DZIP1L: variants seen among roughly 807,000 people sequenced by gnomAD.
DZIP1L encodes DAZ interacting zinc finger protein 1 like.
DZIP1L carries 90 observed loss-of-function variants against 88.7 expected under a neutral mutation model. The ratio of observed to expected loss-of-function variants is 1.02; its 90% CI spans 0.86 to 1.21. The LOEUF (loss-of-function observed/expected upper bound fraction) is 1.21. Among genes scored for constraint, DZIP1L ranks in the 50% most tolerant of loss-of-function variants. DZIP1L has a pLI of 0.00. For synonymous variants in DZIP1L, 363 were observed against 372.1 expected, an observed-to-expected ratio of 0.98 and a Z score of 0.28; for missense variants, 932 against 955.8, an observed-to-expected ratio of 0.98 and a Z score of 0.33.
intron 5 of DZIP1L, among the ~76,000 whole-genome samples, chr3:138,090,216 T>A (rs1429099078): frequency 1.3e-5 from 2 of 152,094 alleles, no homozygotes; most frequent in African/African-American, 4.8e-5. Flanking sequence ...TAGGAGAACA[T>A]GATCCAAGTT....
chr3:138,064,820 T>A, intron 14 of DZIP1L, 53 bp from the exon 15 acceptor site: 4 of 1,530,362 alleles, frequency 2.6e-6, no homozygotes, highest in Non-Finnish European at 3.5e-6. Flanking sequence ...AAAATGAACA[T>A]CTCAGTTTTG....
chr3:138,065,907 G>A (rs892377087), intron 14 of DZIP1L, among the ~76,000 whole-genome samples: 2 of 152,198 alleles, frequency 1.3e-5, no homozygotes, highest in African/African-American at 4.8e-5. Flanking sequence ...TGAAAAGAAG[G>A]AGGCTCAACT....
intron 1 of DZIP1L, among the ~76,000 whole-genome samples, chr3:138,105,468 T>C (rs1576504169): frequency 6.6e-6 from 1 of 152,124 alleles, no homozygotes; most frequent in Admixed American, 6.6e-5. Flanking sequence ...AAATTGCTTA[T>C]ACAAAATGGT....
chr3:138,114,897 T>C (rs985297462), intron 1 of DZIP1L, among the ~76,000 whole-genome samples: 1 of 152,206 alleles, frequency 6.6e-6, no homozygotes, highest in Non-Finnish European at 1.5e-5. Flanking sequence ...GCCAATGCGA[T>C]TGCTTTTAAA....
intron 12 of DZIP1L, 142 bp downstream of exon 12, chr3:138,071,501 T>C: frequency 1.1e-6 from 1 of 940,094 alleles, no homozygotes; most frequent in South Asian, 2.1e-5. Context: ...CAGTCCCCTG[T>C]AAGGACCCTA....
At chr3:138,066,397 T>C (rs1177459441) in intron 14 of DZIP1L, among the ~76,000 whole-genome samples, 1 of 152,078 alleles carries the variant, frequency 6.6e-6, no homozygotes, top group Admixed American at 6.5e-5. Flanking sequence ...ATTCTTAACA[T>C]TGGGAACACA....
chr3:138,105,493 T>C (rs2042455649), intron 1 of DZIP1L, among the ~76,000 whole-genome samples: 1 of 152,110 alleles, frequency 6.6e-6, no homozygotes, highest in Admixed American at 6.6e-5. Flanking sequence ...TATTTGCATA[T>C]AACCTATACA....
chr3:138,097,828 G>A lies in DZIP1L; in HGVS notation c.521C>T (p.Thr174Ile). ...SYHTCHLCDK[T>I]FMNATFLRGH... ...CCGGAGAAAGGTGGCATTCATGAAT[G>A]TCTTGTCACACAGGTGGCACTATAC... The change falls in exon 3 of 16, where the codon ACA becomes ATA. Residue 174 changes from threonine (T) to isoleucine (I), a missense_variant. Coordinates refer to ENST00000327532, the MANE Select transcript of DZIP1L (RefSeq NM_173543.3). 6.2e-7 allele frequency: 1 copy of A among 1,612,892 alleles called. No individual in the cohort carries two copies.
chr3:138,107,432 C>G (rs1295085903), intron 1 of DZIP1L, among the ~76,000 whole-genome samples: 1 of 152,158 alleles, frequency 6.6e-6, no homozygotes, highest in East Asian at 1.9e-4. Flanking sequence ...TATTGGACTT[C>G]AAGCTTGATA....
At chr3:138,115,172 G>C (rs1312892466) in intron 1 of DZIP1L, among the ~76,000 whole-genome samples, 156 bp downstream of exon 1, 3 of 152,094 alleles carry the variant, frequency 2.0e-5, no homozygotes, top group Non-Finnish European at 2.9e-5. Flanking sequence ...GCACGCAGCC[G>C]GCTCCTCCCG....
chr3:138,108,284 G>A (rs967292348), intron 1 of DZIP1L: 21 of 966,542 alleles, frequency 2.2e-5, no homozygotes, highest in Middle Eastern at 5.3e-4. Context: ...CAGGTTACCA[G>A]GCATGCTGTG....
Position 138,088,371 on chromosome 3 carries a change from C to T in DZIP1L, c.999+8G>A, listed in dbSNP as rs759914258. On this transcript the variant is annotated splice_region_variant and intron_variant, in intron 6 of 15. Transcript: ENST00000327532. ...CTCTGGGAAGAAAGGCATGGAGCAT[C>T]AGCTCACCTGAATTTCTGTCTTCTC... 1.9e-6 allele frequency: 3 copies of T among 1,608,598 alleles called. No homozygotes were observed. Among genetic ancestry groups the T allele is most frequent in the Non-Finnish European group, 2.5e-6 (3 of 1,177,614 alleles).
chr3:138,084,236 C>G lies in DZIP1L; in HGVS notation c.1080G>C (p.Gln360His). ...CCTGAGACAGGGAGGCCTGGAGCCTCTGGTTCTCCTCCTGTAGCTGGCAGG... is the reference window on the plus strand; with the variant it reads ...CCTGAGACAGGGAGGCCTGGAGCCTGTGGTTCTCCTCCTGTAGCTGGCAGG... ...AEKKELQEENQRLQASLSQDQ... is the reference protein window; with the variant it reads ...AEKKELQEENHRLQASLSQDQ... The change falls in exon 8 of 16, where the codon CAG (glutamine) becomes CAC (histidine). Residue 360 changes from glutamine (Q) to histidine (H), a missense_variant. Physicochemically the swap from Gln to His is conservative, Grantham distance 24 (BLOSUM62 0). Coordinates refer to ENST00000327532, the MANE Select transcript of DZIP1L (RefSeq NM_173543.3). The G allele has an allele frequency of 6.2e-7, 1 of 1,614,026 alleles. No individual in the cohort carries two copies. Among genetic ancestry groups the G allele is most frequent in the Middle Eastern group, 1.7e-4 (1 of 6,048 alleles).
At chr3:138,098,173 G>A (rs1402147060) in intron 2 of DZIP1L, among the ~76,000 whole-genome samples, 1 of 152,156 alleles carries the variant, frequency 6.6e-6, no homozygotes, top group African/African-American at 2.4e-5. Flanking sequence ...TACAAATAGA[G>A]ACATTGAAAT....
At chr3:138,106,610 G>C (rs1407040698) in intron 1 of DZIP1L, among the ~76,000 whole-genome samples, 1 of 151,334 alleles carries the variant, frequency 6.6e-6, no homozygotes, top group African/African-American at 2.4e-5. Flanking sequence ...AAGGTGGGTG[G>C]ATCACGAGGT....
chr3:138,089,737 A>C (rs1406141880), intron 5 of DZIP1L, among the ~76,000 whole-genome samples: 2 of 152,218 alleles, frequency 1.3e-5, no homozygotes, highest in East Asian at 3.8e-4. Flanking sequence ...TTTGGTATCC[A>C]GTTTGATTCC....
At chr3:138,088,608 A>G in intron 5 of DZIP1L, 101 bp from the exon 6 acceptor site, 2 of 1,440,252 alleles carry the variant, frequency 1.4e-6, no homozygotes, top group South Asian at 1.6e-5. Flanking sequence ...TACCCAACTC[A>G]TCCTCCCAAC....
chr3:138,105,056 T>C (rs1342520068), intron 1 of DZIP1L, among the ~76,000 whole-genome samples: 1 of 152,126 alleles, frequency 6.6e-6, no homozygotes, highest in Non-Finnish European at 1.5e-5. Flanking sequence ...TATGCAGCTA[T>C]TGATTGGTAT....
chr3:138,100,266 AT>A (rs1231321341), intron 2 of DZIP1L, among the ~76,000 whole-genome samples: 1 of 152,200 alleles, frequency 6.6e-6, no homozygotes, highest in Non-Finnish European at 1.5e-5. Context: ...AAATGATGGG[AT>A]TTAGAGAATT....
Sources: gnomAD v4.1 joint callset for allele counts (sites outside exome capture counted in the v4.1 genomes callset) on GRCh38, gnomAD v4.1.1 for gene constraint, MANE v1.5 for transcripts, NCBI Gene and HGNC (gene_info 2026-07-23, HGNC 2026-07-21) for gene names.